GRM5: variants seen among roughly 807,000 people sequenced by gnomAD.
GRM5 encodes the protein glutamate metabotropic receptor 5.
GRM5 carries 19 observed loss-of-function variants against 83.1 expected under a neutral mutation model. The ratio of observed to expected loss-of-function variants is 0.23; its 90% CI spans 0.16 to 0.34. GRM5 has a LOEUF of 0.34. Ranked by LOEUF, GRM5 falls within the 10% of genes least tolerant of loss-of-function variation. The pLI is 1.00. For missense variants in GRM5, 1,160 were observed against 1,588.3 expected, an observed-to-expected ratio of 0.73 and a Z score of 4.58; for synonymous variants, 675 against 633.6, an observed-to-expected ratio of 1.07 and a Z score of -0.98.
At position 89,040,659 on chromosome 11, in the gene GRM5, C is replaced by A. The variant is rs940136591; in HGVS notation, c.661+6553G>T. ...GAGACTGCAGTGATCTATGACCATG[C>A]CACTCTTCTTCAGCCTGGGCAATAG... On this transcript the variant is annotated intron_variant, in intron 2 of 9. Coordinates refer to ENST00000305447, the MANE Select transcript of GRM5 (RefSeq NM_001143831.3). Among the ~76,000 whole-genome samples, 4 of 152,062 alleles carry A rather than the reference C, an allele frequency of 2.6e-5. No individual in the cohort carries two copies. The East Asian group carries it at 5.8e-4, about 22-fold the overall frequency.
chr11:89,032,618 G>A (rs529201789), intron 2 of GRM5, among the ~76,000 whole-genome samples: 2 of 152,078 alleles, frequency 1.3e-5, no homozygotes, highest in Admixed American at 6.6e-5. Flanking sequence ...CAAGTATTAC[G>A]CTAAATTAAT....
At chr11:88,533,340 A>G (rs1222451825) in intron 8 of GRM5, among the ~76,000 whole-genome samples, 4 of 152,054 alleles carry the variant, frequency 2.6e-5, no homozygotes, top group Non-Finnish European at 4.4e-5. Context: ...CTCTGCCTTT[A>G]ATGCTTTCAT....
At chr11:88,730,874 C>T (rs576596409) in intron 3 of GRM5, among the ~76,000 whole-genome samples, 76 of 151,938 alleles carry the variant, frequency 5.0e-4, no homozygotes, top group African/African-American at 1.8e-3. Context: ...GTCAGGGAGT[C>T]GGGGGCTAGG....
At chr11:88,678,077 G>T (rs1455941413) in intron 3 of GRM5, among the ~76,000 whole-genome samples, 6 of 126,878 alleles carry the variant, frequency 4.7e-5, no homozygotes, top group African/African-American at 1.8e-4. Context: ...TTTTTTTTTA[G>T]AGACAGTGTC....
chr11:88,996,738 AC>A (rs1478702637), intron 2 of GRM5, among the ~76,000 whole-genome samples: 5 of 152,368 alleles, frequency 3.3e-5, no homozygotes, highest in African/African-American at 1.2e-4. Flanking sequence ...TTTGGAACAT[AC>A]ACTAAGATAG....
intron 2 of GRM5, among the ~76,000 whole-genome samples, chr11:88,976,330 G>T (rs1466600903): frequency 6.6e-6 from 1 of 152,054 alleles, no homozygotes; most frequent in Non-Finnish European, 1.5e-5. Flanking sequence ...TTGAGACCTG[G>T]CTGGAGTGTA....
chr11:88,560,725 C>A (rs7924961), intron 8 of GRM5, among the ~76,000 whole-genome samples: 8,191 of 152,114 alleles, frequency 0.054, 695 homozygotes, highest in African/African-American at 0.18. Context: ...GCATGGCAAG[C>A]ACTGTGCTAG....
intron 3 of GRM5, among the ~76,000 whole-genome samples, chr11:88,712,224 T>C (rs1317879730): frequency 6.6e-6 from 1 of 152,020 alleles, no homozygotes; most frequent in Admixed American, 6.6e-5. Flanking sequence ...AATTAACATA[T>C]TGTATGATTA....
chr11:88,689,846 T>TAAG (rs745725473), intron 3 of GRM5, among the ~76,000 whole-genome samples: 2 of 152,182 alleles, frequency 1.3e-5, no homozygotes, highest in Non-Finnish European at 2.9e-5. Context: ...AGACACTATC[T>TAAG]AAGACTAAGC....
intron 2 of GRM5, among the ~76,000 whole-genome samples, chr11:88,968,250 T>C (rs1939052909): frequency 1.3e-5 from 2 of 152,096 alleles, no homozygotes; most frequent in Non-Finnish European, 2.9e-5. Flanking sequence ...ATATGAAAGA[T>C]GGAGTTACAA....
At chr11:88,773,157 T>C (rs1340594237) in intron 3 of GRM5, among the ~76,000 whole-genome samples, 1 of 152,194 alleles carries the variant, frequency 6.6e-6, no homozygotes, top group Non-Finnish European at 1.5e-5. Flanking sequence ...TGGCATGAGA[T>C]GGTATCTCAT....
At chr11:88,529,941 T>C (rs1477812207) in intron 8 of GRM5, among the ~76,000 whole-genome samples, 1 of 152,004 alleles carries the variant, frequency 6.6e-6, no homozygotes, top group African/African-American at 2.4e-5. Flanking sequence ...CATTTTGGAA[T>C]ATTTGATTTG....
intron 3 of GRM5, among the ~76,000 whole-genome samples, chr11:88,773,344 G>A (rs1341853859): frequency 2.0e-5 from 3 of 152,114 alleles, no homozygotes; most frequent in African/African-American, 7.2e-5. Context: ...GTAGATTCTG[G>A]ATATTAGCCC....
intron 7 of GRM5, among the ~76,000 whole-genome samples, chr11:88,582,637 A>T (rs559576208): frequency 1.8e-4 from 27 of 152,330 alleles, no homozygotes; most frequent in Admixed American, 1.6e-3. Flanking sequence ...TTCTCATCAA[A>T]ACTCATCAGA....
intron 7 of GRM5, among the ~76,000 whole-genome samples, chr11:88,574,797 A>G (rs1241201164): frequency 6.6e-6 from 1 of 152,102 alleles, no homozygotes; most frequent in Non-Finnish European, 1.5e-5. Context: ...CATGCTGACT[A>G]GTCATTTGGG....
chr11:88,747,198 G>A (rs1481364643), intron 3 of GRM5, among the ~76,000 whole-genome samples: 1 of 152,136 alleles, frequency 6.6e-6, no homozygotes, highest in Non-Finnish European at 1.5e-5. Flanking sequence ...CTTCAAAACT[G>A]TTTCCAAAAA....
chr11:88,519,852 C>T (rs1941630337), intron 9 of GRM5, among the ~76,000 whole-genome samples: 1 of 152,114 alleles, frequency 6.6e-6, no homozygotes, highest in Non-Finnish European at 1.5e-5. Context: ...TATTGTGTGT[C>T]AGGCAATATG....
At chr11:88,688,606 A>AT (rs35140768) in intron 3 of GRM5, among the ~76,000 whole-genome samples, 1 of 152,164 alleles carries the variant, frequency 6.6e-6, no homozygotes, top group Non-Finnish European at 1.5e-5. Flanking sequence ...CTGGCTAGAA[A>AT]TTTTTTTACT....
chr11:88,630,985 C>A (rs547713881), intron 4 of GRM5, among the ~76,000 whole-genome samples: 2 of 152,126 alleles, frequency 1.3e-5, no homozygotes, highest in African/African-American at 2.4e-5. Context: ...GTGGGGACAG[C>A]GGTTTCTTTA....
Sources: allele counts gnomAD v4.1 joint callset (sites outside exome capture counted in the v4.1 genomes callset), GRCh38; gene constraint gnomAD v4.1.1; transcripts MANE v1.5; gene names NCBI Gene and HGNC (gene_info 2026-07-23, HGNC 2026-07-21).